ABCC4: variants seen among roughly 807,000 people sequenced by gnomAD.
ABCC4 encodes ATP-binding cassette sub-family C member 4.
In ABCC4, 102 loss-of-function variants were observed where a neutral mutation model predicts 168.5. That is an observed-to-expected ratio of 0.61 (90% CI 0.52 to 0.71). ABCC4 has a LOEUF of 0.71. Ranked by LOEUF, ABCC4 falls within the 30% of genes least tolerant of loss-of-function variation. The pLI is 0.00. For synonymous variants in ABCC4, 617 were observed against 590.7 expected (o/e 1.04, Z -0.65); for missense variants, 1,402 against 1,605.8 (o/e 0.87, Z 2.17).
At chr13:95,269,938 A>C (rs2040802256) in intron 1 of ABCC4, among the ~76,000 whole-genome samples, 1 of 152,226 alleles carries the variant, frequency 6.6e-6, no homozygotes, top group African/African-American at 2.4e-5. Context: ...CTAGGGCAGG[A>C]AATGAGTAGA....
intron 19 of ABCC4, among the ~76,000 whole-genome samples, chr13:95,155,806 T>G (rs1255508542): frequency 6.6e-6 from 1 of 152,194 alleles, no homozygotes; most frequent in Admixed American, 6.5e-5. Flanking sequence ...AGTAAACATT[T>G]ATCTGGCACC....
At chr13:95,251,209 G>A (rs780481923) in intron 1 of ABCC4, among the ~76,000 whole-genome samples, 2 of 152,078 alleles carry the variant, frequency 1.3e-5, no homozygotes, top group African/African-American at 4.8e-5. Context: ...ACAAGTAAAG[G>A]AGGAAATAAA....
intron 20 of ABCC4, among the ~76,000 whole-genome samples, chr13:95,105,545 A>G (rs891847182): frequency 6.6e-6 from 1 of 152,224 alleles, no homozygotes; most frequent in Non-Finnish European, 1.5e-5. Flanking sequence ...AAATGTGCAT[A>G]AAGCTCCATT....
intron 1 of ABCC4, among the ~76,000 whole-genome samples, chr13:95,270,760 C>A (rs947110771): frequency 1.3e-5 from 2 of 152,216 alleles, no homozygotes; most frequent in East Asian, 1.9e-4. Flanking sequence ...ACAGGCAGAG[C>A]CACCACGCAT....
rs2031045942 is a variant in ABCC4 at position 95,020,852 on chromosome 13, A to G, written c.*723T>C. ...TACCGTGTCCAAGTCATGCAACTCTAAAGGAGGATGGACGGTCACATTTGT... is the reference window on the plus strand; with the variant it reads ...TACCGTGTCCAAGTCATGCAACTCTGAAGGAGGATGGACGGTCACATTTGT... On this transcript the variant is annotated 3_prime_UTR_variant, in exon 31 of 31. Coordinates refer to ENST00000645237, the MANE Select transcript of ABCC4 (RefSeq NM_005845.5). The G allele has an allele frequency of 6.6e-6, 1 of 152,462 alleles. No homozygotes were observed. The highest frequency in any genetic ancestry group is 1.5e-5 in the Non-Finnish European group (1 of 68,028). 9.4% of individuals were successfully genotyped at this position (152,462 alleles called of 1,614,324 possible). A position where few individuals can be genotyped will look rare whatever the true frequency, so the allele number is the denominator to read the frequency against.
Position 95,073,276 on chromosome 13 carries a change from T to C in ABCC4, c.2946A>G (p.Ala982=). Residue 982 remains alanine (A), a synonymous_variant, in exon 24 of 31, where the codon GCA becomes GCG. Coordinates refer to ENST00000645237, the MANE Select transcript of ABCC4 (RefSeq NM_005845.5). ...CCATGAGCGTGAGGGCATAGGACAGTGCCAAACCAACCTGCCCGGCATCCA... is the reference window on the plus strand; with the variant it reads ...CCATGAGCGTGAGGGCATAGGACAGCGCCAAACCAACCTGCCCGGCATCCA... ...KTLDAGQVGL[A]LSYALTLMGM... is the part of the protein sequence containing the mutation. 6.2e-7 allele frequency: 1 copy of C among 1,613,676 alleles called. No homozygotes were observed. The highest frequency in any genetic ancestry group is 8.5e-7 in the Non-Finnish European group (1 of 1,179,772).
At chr13:95,210,849 C>A in intron 4 of ABCC4, 68 bp from the exon 5 acceptor site, 1 of 1,209,208 alleles carries the variant, frequency 8.3e-7, no homozygotes. Context: ...TAGGACACAG[C>A]AGACCTGAGG....
chr13:95,083,220 A>G lies in ABCC4; in HGVS notation c.2606T>C (p.Val869Ala), dbSNP rs770359167. ...AVIPWIAIPL[V>A]PLGIIFIFLR... ...AAAAATGAAAATGATTCCAAGGGGAACCAAGGGTATTGCGATCCAAGGAAT... is the reference window on the plus strand; with the variant it reads ...AAAAATGAAAATGATTCCAAGGGGAGCCAAGGGTATTGCGATCCAAGGAAT... The change falls in exon 21 of 31, where the codon GTT (valine) becomes GCT (alanine). Residue 869 changes from valine (V) to alanine (A), a missense_variant. Physicochemically the swap from Val to Ala is moderately conservative, Grantham distance 64. Around this residue, in one of 3 missense-constraint regions of ABCC4, gnomAD observed 1,007 missense variants for 1,127.3 expected, o/e 0.89. Coordinates refer to ENST00000645237, the MANE Select transcript of ABCC4 (RefSeq NM_005845.5). The G allele has an allele frequency of 6.2e-7, 1 of 1,614,098 alleles. No individual in the cohort carries two copies. Among genetic ancestry groups the G allele is most frequent in the South Asian group, 1.1e-5 (1 of 91,076 alleles).
chr13:95,090,564 C>G (rs947819082), intron 20 of ABCC4, among the ~76,000 whole-genome samples: 1 of 152,110 alleles, frequency 6.6e-6, no homozygotes, highest in African/African-American at 2.4e-5. Context: ...AAGCCGTATC[C>G]ACACCAAAAG....
At chr13:95,243,904 A>G (rs1431684486) in intron 3 of ABCC4, among the ~76,000 whole-genome samples, 1 of 151,380 alleles carries the variant, frequency 6.6e-6, no homozygotes, top group Non-Finnish European at 1.5e-5. Flanking sequence ...ACATAAAAAA[A>G]AAAAAAGAGT....
chr13:95,019,912 A>G lies in ABCC4; in HGVS notation c.*1663T>C, dbSNP rs2030996901. The G allele has an allele frequency of 2.0e-5, 3 of 152,232 alleles. No individual in the cohort carries two copies. The highest frequency in any genetic ancestry group is 7.2e-5 in the African/African-American group (3 of 41,466). The allele number at this position is 152,232 out of a possible 1,614,324, so 9.4% of individuals were successfully genotyped here. A position where few individuals can be genotyped will look rare whatever the true frequency, so the allele number is the denominator to read the frequency against. On this transcript the variant is annotated 3_prime_UTR_variant, in exon 31 of 31. Coordinates refer to ENST00000645237, the MANE Select transcript of ABCC4 (RefSeq NM_005845.5). ...TCTATGATAACATTAAAACAGAAAC[A>G]GGACGTTTATATGACTGTCTTTAAC...
intron 30 of ABCC4, among the ~76,000 whole-genome samples, chr13:95,025,216 C>T (rs2031375545): frequency 1.7e-5 from 1 of 59,108 alleles, no homozygotes; most frequent in African/African-American, 7.3e-5. Context: ...ACACCCCCCA[C>T]ACACCCCCAC....
intron 4 of ABCC4, among the ~76,000 whole-genome samples, chr13:95,222,258 A>T (rs1218951521): frequency 2.0e-5 from 3 of 152,210 alleles, no homozygotes; most frequent in Admixed American, 6.5e-5. Context: ...GGCTCTGGCC[A>T]CGGCTAAGTG....
At chr13:95,281,346 A>C (rs182958376) in intron 1 of ABCC4, among the ~76,000 whole-genome samples, 1 of 151,630 alleles carries the variant, frequency 6.6e-6, no homozygotes, top group African/African-American at 2.4e-5. Flanking sequence ...AGTTGAGAGC[A>C]TAAGTCTGAG....
intron 25 of ABCC4, among the ~76,000 whole-genome samples, chr13:95,063,765 C>A (rs561508371): frequency 1.3e-5 from 2 of 152,238 alleles, no homozygotes; most frequent in Admixed American, 1.3e-4. Context: ...AAGGTGGGGG[C>A]AATACGTCTA....
chr13:95,052,947 T>C (rs1017126911), intron 27 of ABCC4, 148 bp downstream of exon 27: 177 of 658,724 alleles, frequency 2.7e-4, no homozygotes, highest in South Asian at 1.0e-3. Context: ...ATACACATTA[T>C]AGCATATCCA....
chr13:95,101,613 A>C (rs889868504), intron 20 of ABCC4, among the ~76,000 whole-genome samples: 1 of 152,092 alleles, frequency 6.6e-6, no homozygotes, highest in South Asian at 2.1e-4. Flanking sequence ...GATAACTCAG[A>C]CTCTACACTC....
chr13:95,143,138 A>G (rs1266425673), intron 19 of ABCC4, among the ~76,000 whole-genome samples: 1 of 152,098 alleles, frequency 6.6e-6, no homozygotes, highest in African/African-American at 2.4e-5. Context: ...TTTGATACTG[A>G]ACCATCAACA....
chr13:95,043,532 GTTA>G, intron 29 of ABCC4, 147 bp downstream of exon 29: 1 of 565,940 alleles, frequency 1.8e-6, no homozygotes. Flanking sequence ...TGAGGGTGTA[GTTA>G]AGCATATGAA....
Sources: gnomAD v4.1 joint callset for allele counts (sites outside exome capture counted in the v4.1 genomes callset) on GRCh38, gnomAD v4.1.1 for gene constraint, gnomAD v4.1.1 regional missense constraint, MANE v1.5 for transcripts, NCBI Gene and HGNC (gene_info 2026-07-23, HGNC 2026-07-21) for gene names.